The following DLGAP3 variants were observed in gnomAD, a reference collection of about 807,000 sequenced individuals.
The protein encoded by DLGAP3 is DLG associated protein 3.
A neutral mutation model predicts 81.2 loss-of-function variants in DLGAP3; 17 were observed. The ratio of observed to expected loss-of-function variants is 0.21; its 90% CI spans 0.14 to 0.31. The LOEUF (loss-of-function observed/expected upper bound fraction) is 0.31, where lower values mean the gene tolerates loss of function less well. Ranked by LOEUF, DLGAP3 falls within the 10% of genes least tolerant of loss-of-function variation. The pLI is 1.00. For synonymous variants in DLGAP3, 577 were observed against 587.4 expected, an observed-to-expected ratio of 0.98 and a Z score of 0.26; for missense variants, 1,124 against 1,388.0, an observed-to-expected ratio of 0.81 and a Z score of 3.02.
At chr1:34,927,679 C>T (rs1401363855) in intron 1 of DLGAP3, among the ~76,000 whole-genome samples, 2 of 152,106 alleles carry the variant, frequency 1.3e-5, no homozygotes, top group East Asian at 3.9e-4. Flanking sequence ...CTCTCCCTCC[C>T]CTCCCTCCTC....
chr1:34,885,153 GC>G, intron 7 of DLGAP3, 90 bp from the exon 8 acceptor site: 1 of 1,276,830 alleles, frequency 7.8e-7, no homozygotes, highest in Non-Finnish European at 1.1e-6. Flanking sequence ...TGCGCCCCAA[GC>G]CAGCTGGCAG....
At chr1:34,884,924 C>T in intron 8 of DLGAP3, 54 bp downstream of exon 8, 4 of 1,332,006 alleles carry the variant, frequency 3.0e-6, no homozygotes, top group Non-Finnish European at 4.3e-6. Flanking sequence ...CACTATGCAG[C>T]CCTCTCTCCT....
intron 8 of DLGAP3, among the ~76,000 whole-genome samples, chr1:34,878,056 A>G (rs1009338715): frequency 6.6e-6 from 1 of 152,214 alleles, no homozygotes; most frequent in Non-Finnish European, 1.5e-5. Flanking sequence ...TGTAATCCCA[A>G]CACTTTGGGA....
intron 1 of DLGAP3, among the ~76,000 whole-genome samples, chr1:34,928,267 G>C (rs1235844714): frequency 6.6e-6 from 1 of 152,152 alleles, no homozygotes; most frequent in Non-Finnish European, 1.5e-5. Flanking sequence ...CACCTGCTCT[G>C]ATGACTAACA....
rs768775971 is a variant in DLGAP3 at position 34,905,397 on chromosome 1, G to A, written c.-14C>T. 2.6e-6 allele frequency: 4 copies of A among 1,548,422 alleles called. No homozygotes were observed. The South Asian group carries it at 3.6e-5, about 14-fold the overall frequency. ...GTAACCCCTCATGGCCTCAGCAAAG[G>A]CTCTTCATAGTCTTGGGGGCCAGGC... On this transcript the variant is annotated 5_prime_UTR_variant, in exon 3 of 12. Transcript: ENST00000373347.
At chr1:34,894,265 A>C (rs909539862) in intron 5 of DLGAP3, among the ~76,000 whole-genome samples, 2 of 29,266 alleles carry the variant, frequency 6.8e-5, no homozygotes, top group Non-Finnish European at 1.8e-4. Context: ...AAGATAAAGC[A>C]AAAAAAAAAA....
At position 34,925,703 on chromosome 1, in the gene DLGAP3, G is replaced by T. The variant is rs539657255; in HGVS notation, c.-135+3748C>A. Among the ~76,000 whole-genome samples the T allele has an allele frequency of 7.5e-4, 114 of 152,288 alleles. 1 individual carries two copies. Among genetic ancestry groups the T allele is most frequent in the South Asian group, 2.1e-3 (10 of 4,826 alleles). ...GAGGATGAGAAAGAACAGACAGTGA[G>T]GGGGGCAGGGGCTACCTGAGCTCAA... is the stretch of plus-strand genomic sequence containing the variant. On this transcript the variant is annotated intron_variant, in intron 1 of 11. Transcript: ENST00000373347.
At position 34,899,943 on chromosome 1, in the gene DLGAP3, G is replaced by C. The variant is rs889522663; in HGVS notation, c.1313+125C>G. On this transcript the variant is annotated intron_variant, in intron 4 of 11. Coordinates refer to ENST00000373347, the MANE Select transcript of DLGAP3 (RefSeq NM_001080418.3). ...CAAGACCCTCCCTTTACATGGAGTG[G>C]AGTGAGACACCCCAGTTGAAACCTA... 14 of 935,398 alleles carry C rather than the reference G, an allele frequency of 1.5e-5. No homozygotes were observed. In the South Asian group the frequency reaches 1.8e-4, roughly 12 times the overall value. The allele number at this position is 935,398 out of a possible 1,614,324, so 57.9% of individuals were successfully genotyped here. A position where few individuals can be genotyped will look rare whatever the true frequency, so the allele number is the denominator to read the frequency against.
At chr1:34,899,575 C>T (rs1189973369) in intron 5 of DLGAP3, 94 bp downstream of exon 5, 1 of 1,157,082 alleles carries the variant, frequency 8.6e-7, no homozygotes, top group Non-Finnish European at 1.3e-6. Flanking sequence ...GAGCTCTCTC[C>T]ACAGGCAGAC....
intron 1 of DLGAP3, among the ~76,000 whole-genome samples, chr1:34,923,264 T>C (rs2148421522): frequency 6.6e-6 from 1 of 152,238 alleles, no homozygotes; most frequent in East Asian, 1.9e-4. Flanking sequence ...TGCTAAAACC[T>C]CCTAGAAAAC....
chr1:34,910,715 G>T (rs1229969548), intron 1 of DLGAP3, among the ~76,000 whole-genome samples: 1 of 152,098 alleles, frequency 6.6e-6, no homozygotes, highest in African/African-American at 2.4e-5. Context: ...GCTTTCTCTG[G>T]CCTCCCTGAC....
At chr1:34,878,282 G>T (rs944717196) in intron 8 of DLGAP3, among the ~76,000 whole-genome samples, 1 of 151,694 alleles carries the variant, frequency 6.6e-6, no homozygotes, top group African/African-American at 2.4e-5. Context: ...CTCCAGCCTG[G>T]GTGACAGAGC....
In DLGAP3 at chr1:34,895,837, C is replaced by T. The variant is rs1269294723; in HGVS notation, c.1386+3832G>A. ...AGAAATTTCAATGAGGACATAAAAG[C>T]CTTTTCAACAAATGATGCTGGGAAA... On this transcript the variant is annotated intron_variant, in intron 5 of 11. Coordinates refer to ENST00000373347, the MANE Select transcript of DLGAP3 (RefSeq NM_001080418.3). This position sits in a 1 kb window ranked among gnomAD's most constrained non-coding sequence, Gnocchi z 4.5. Among the ~76,000 whole-genome samples the T allele has an allele frequency of 2.6e-5, 4 of 151,566 alleles. 1 individual carries two copies. The highest frequency in any genetic ancestry group is 9.7e-5 in the African/African-American group (4 of 41,226).
chr1:34,894,575 A>C (rs1233635772), intron 5 of DLGAP3, among the ~76,000 whole-genome samples: 1 of 152,260 alleles, frequency 6.6e-6, no homozygotes, highest in East Asian at 1.9e-4. Flanking sequence ...GACAGATGAC[A>C]AAAGAATATC....
chr1:34,879,069 CA>C (rs1336780635), intron 8 of DLGAP3, among the ~76,000 whole-genome samples: 108 of 67,762 alleles, frequency 1.6e-3, no homozygotes, highest in Middle Eastern at 9.8e-3. Flanking sequence ...GACTCTGCCT[CA>C]AAAAAAAAAA....
At position 34,902,415 on chromosome 1, in the gene DLGAP3, G is replaced by C. The variant is rs1639474879; in HGVS notation, c.1107+1862C>G. Reference sequence around the variant, plus strand: ...CATAAAGAAACAGGGGCTCAGAGTGGACAGAGGGATCCTGGAAAAGGCTTA... The same window carrying C: ...CATAAAGAAACAGGGGCTCAGAGTGCACAGAGGGATCCTGGAAAAGGCTTA... On this transcript the variant is annotated intron_variant, in intron 3 of 11. Transcript: ENST00000373347. This position sits in a 1 kb window ranked among gnomAD's most constrained non-coding sequence, Gnocchi z 4.4. 2.0e-5 allele frequency among the ~76,000 whole-genome samples: 3 copies of C among 152,140 alleles called. No individual in the cohort carries two copies. The highest frequency in any genetic ancestry group is 4.8e-5 in the African/African-American group (2 of 41,424).
In DLGAP3 at chr1:34,895,362, T is replaced by C. The variant is rs1207278218; in HGVS notation, c.1386+4307A>G. Among the ~76,000 whole-genome samples the C allele has an allele frequency of 1.4e-5, 2 of 141,170 alleles. No homozygotes were observed. The highest frequency in any genetic ancestry group is 2.2e-4 in the South Asian group (1 of 4,602). The allele number at this position is 141,170 out of a possible 152,430, so 92.6% of individuals were successfully genotyped here. A position where few individuals can be genotyped will look rare whatever the true frequency, so the allele number is the denominator to read the frequency against. On this transcript the variant is annotated intron_variant, in intron 5 of 11. Transcript: ENST00000373347. The surrounding 1 kb of genome is among the most constrained non-coding windows in gnomAD (Gnocchi z 4.5). ...CTACCTGGGCGACAGAGCGAGACTG[T>C]CTCAAAAAAAAAAAAAAATTAAAAT...
intron 5 of DLGAP3, among the ~76,000 whole-genome samples, chr1:34,898,989 G>C (rs1639415066): frequency 6.6e-6 from 1 of 152,158 alleles, no homozygotes; most frequent in African/African-American, 2.4e-5. Context: ...TCTTGCTGGT[G>C]GTTCCTCAGG....
At chr1:34,891,024 T>C (rs1409285866) in intron 5 of DLGAP3, among the ~76,000 whole-genome samples, 1 of 152,144 alleles carries the variant, frequency 6.6e-6, no homozygotes, top group Admixed American at 6.5e-5. Context: ...TTAAATGATG[T>C]TTAAAAGTTC....
Sources: gnomAD v4.1 joint callset for allele counts (sites outside exome capture counted in the v4.1 genomes callset) on GRCh38, gnomAD v4.1.1 for gene constraint, Gnocchi (gnomAD v3.1) non-coding constraint, MANE v1.5 for transcripts, NCBI Gene and HGNC (gene_info 2026-07-23, HGNC 2026-07-21) for gene names.